Variants in CRADD observed in about 807,000 individuals in gnomAD.
CRADD encodes the protein death domain-containing protein CRADD.
In CRADD, 9 loss-of-function variants were observed where a neutral mutation model predicts 15.5. The ratio of observed to expected loss-of-function variants is 0.58; its 90% CI spans 0.35 to 1.01. The LOEUF (loss-of-function observed/expected upper bound fraction) is 1.01, where lower values mean the gene tolerates loss of function less well. Ranked by LOEUF, CRADD falls within the 50% of genes least tolerant of loss-of-function variation. CRADD has a pLI of 0.02. For missense variants in CRADD, 227 were observed against 250.3 expected (o/e 0.91, Z 0.63); for synonymous variants, 118 against 107.6 (o/e 1.10, Z -0.60).
At chr12:93,700,697 T>C (rs1441917123) in intron 2 of CRADD, among the ~76,000 whole-genome samples, 1 of 152,232 alleles carries the variant, frequency 6.6e-6, no homozygotes, top group Non-Finnish European at 1.5e-5. Context: ...CCCAAAGTGC[T>C]TGGATTACAG....
intron 2 of CRADD, among the ~76,000 whole-genome samples, chr12:93,709,615 A>C (rs1228118094): frequency 6.6e-6 from 1 of 152,202 alleles, no homozygotes; most frequent in African/African-American, 2.4e-5. Flanking sequence ...ATGGCTGTGT[A>C]GTATTCCATG....
intron 2 of CRADD, among the ~76,000 whole-genome samples, chr12:93,718,195 A>T (rs191365204): frequency 4.6e-5 from 7 of 152,224 alleles, no homozygotes; most frequent in Non-Finnish European, 1.0e-4. Context: ...TCAGTTTGCC[A>T]GTATCCACAA....
At chr12:93,827,410 A>G (rs1032323479) in intron 2 of CRADD, among the ~76,000 whole-genome samples, 3 of 152,108 alleles carry the variant, frequency 2.0e-5, no homozygotes, top group Non-Finnish European at 2.9e-5. Context: ...TCCCTTTTTA[A>G]TGTAGGACAG....
intron 2 of CRADD, among the ~76,000 whole-genome samples, chr12:93,735,894 A>T (rs1956559345): frequency 2.0e-5 from 3 of 151,960 alleles, no homozygotes; most frequent in South Asian, 4.1e-4. Flanking sequence ...TAGATGGTGT[A>T]TATAAAGTGC....
intron 2 of CRADD, among the ~76,000 whole-genome samples, chr12:93,808,293 A>G (rs148109514): frequency 0.017 from 2,642 of 152,256 alleles, 67 homozygotes; most frequent in African/African-American, 0.058. Flanking sequence ...AGGCCTCACA[A>G]TCATGGCAGA....
downstream of CRADD, among the ~76,000 whole-genome samples, chr12:93,853,377 T>C (rs754680151): frequency 6.6e-6 from 1 of 152,246 alleles, no homozygotes; most frequent in Non-Finnish European, 1.5e-5. Flanking sequence ...TGTGTCATTA[T>C]TTCTCTGTGC....
At chr12:93,718,652 T>C (rs1216796759) in intron 2 of CRADD, among the ~76,000 whole-genome samples, 1 of 152,206 alleles carries the variant, frequency 6.6e-6, no homozygotes, top group Non-Finnish European at 1.5e-5. Context: ...TTGTTTCTTT[T>C]TCTTGTCTTA....
chr12:93,894,235 GT>G (rs1426938132), exon 3 of CRADD: 8 of 468,506 alleles, frequency 1.7e-5, no homozygotes, highest in Admixed American at 2.6e-5. Context: ...GTCTGGAGGC[GT>G]TTTTGGTTGT....
chr12:93,684,882 C>T (rs1467369592), intron 2 of CRADD, among the ~76,000 whole-genome samples: 1 of 152,134 alleles, frequency 6.6e-6, no homozygotes, highest in African/African-American at 2.4e-5. Context: ...ACACCTTCCT[C>T]CCTGGGATGA....
intron 2 of CRADD, chr12:93,893,927 T>G: frequency 1.6e-6 from 1 of 643,922 alleles, no homozygotes; most frequent in East Asian, 2.8e-5. Flanking sequence ...AAATAAGCAC[T>G]AGATCATCTA....
chr12:93,807,430 A>G (rs1957551632), intron 2 of CRADD, among the ~76,000 whole-genome samples: 1 of 152,092 alleles, frequency 6.6e-6, no homozygotes, highest in Non-Finnish European at 1.5e-5. Context: ...CAGATCACTC[A>G]TGGTCTCAGT....
At chr12:93,795,843 A>G (rs917462055) in intron 2 of CRADD, among the ~76,000 whole-genome samples, 1 of 152,224 alleles carries the variant, frequency 6.6e-6, no homozygotes, top group African/African-American at 2.4e-5. Flanking sequence ...AGCCTCTTGT[A>G]AAATAGCTAG....
At chr12:93,724,030 A>G (rs925572601) in intron 2 of CRADD, among the ~76,000 whole-genome samples, 2 of 152,026 alleles carry the variant, frequency 1.3e-5, no homozygotes, top group Admixed American at 6.5e-5. Context: ...GCATATTTCA[A>G]AATGGTTCCT....
At chr12:93,787,324 T>G (rs929757788) in intron 2 of CRADD, among the ~76,000 whole-genome samples, 2 of 150,288 alleles carry the variant, frequency 1.3e-5, no homozygotes, top group East Asian at 1.9e-4. Flanking sequence ...TTTTTTTTTT[T>G]TTTTTTAATA....
intron 2 of CRADD, among the ~76,000 whole-genome samples, chr12:93,733,952 G>T (rs1956516421): frequency 1.3e-5 from 2 of 152,094 alleles, no homozygotes; most frequent in East Asian, 1.9e-4. Flanking sequence ...GCCCAGGCTG[G>T]TCTCAAACTC....
At chr12:93,729,518 G>T (rs1334468674) in intron 2 of CRADD, among the ~76,000 whole-genome samples, 1 of 152,122 alleles carries the variant, frequency 6.6e-6, no homozygotes. Context: ...CAGCCACGGT[G>T]GCTCATGCCT....
chr12:93,810,790 T>C (rs2137007619), intron 2 of CRADD, among the ~76,000 whole-genome samples: 1 of 152,228 alleles, frequency 6.6e-6, no homozygotes, highest in South Asian at 2.1e-4. Flanking sequence ...CCCAGCACTA[T>C]CACTGCCTGT....
intron 2 of CRADD, among the ~76,000 whole-genome samples, chr12:93,733,826 T>C (rs1377289423): frequency 6.6e-6 from 1 of 151,650 alleles, no homozygotes; most frequent in African/African-American, 2.4e-5. Context: ...AGCCTCAATC[T>C]CCTAGGCTCA....
chr12:93,806,451 C>CAAAAAAAAAAAAAAAAAAA (rs59372325), intron 2 of CRADD, among the ~76,000 whole-genome samples: 3 of 59,210 alleles, frequency 5.1e-5, no homozygotes, highest in Non-Finnish European at 7.0e-5. Context: ...GACTCCATCT[C>CAAAAAAAAAAAAAAAAAAA]AAAAAAAAAA....
Sources: allele counts gnomAD v4.1 joint callset (sites outside exome capture counted in the v4.1 genomes callset), GRCh38; gene constraint gnomAD v4.1.1; transcripts MANE v1.5; gene names NCBI Gene and HGNC (gene_info 2026-07-23, HGNC 2026-07-21).